Variants in LMO7 observed in about 807,000 individuals in gnomAD.
LMO7 encodes LIM domain only protein 7.
In LMO7, 120 loss-of-function variants were observed where a neutral mutation model predicts 206.5. The ratio of observed to expected loss-of-function variants is 0.58; its 90% CI spans 0.50 to 0.68. LMO7 has a LOEUF of 0.68. Ranked by LOEUF, LMO7 falls within the 30% of genes least tolerant of loss-of-function variation. The pLI, the probability that LMO7 is intolerant of heterozygous loss-of-function variation, is 0.00. For missense variants in LMO7, 1,959 were observed against 1,957.9 expected (o/e 1.00, Z -0.01); for synonymous variants, 706 against 681.5 (o/e 1.04, Z -0.56).
intron 28 of LMO7, 130 bp from the exon 29 acceptor site, chr13:75,855,130 T>C: frequency 1.9e-6 from 1 of 528,806 alleles, no homozygotes; most frequent in Non-Finnish European, 3.4e-6. Flanking sequence ...GTAAAAGTTA[T>C]TCTCCCACAG....
chr13:75,857,824 G>T, intron 30 of LMO7, 97 bp from the exon 31 acceptor site: 1 of 726,024 alleles, frequency 1.4e-6, no homozygotes, highest in South Asian at 2.2e-5. Context: ...TACCTCATTG[G>T]GCCACTTTCT....
chr13:75,779,640 T>C (rs1164480904), intron 4 of LMO7, among the ~76,000 whole-genome samples: 1 of 152,186 alleles, frequency 6.6e-6, no homozygotes, highest in Non-Finnish European at 1.5e-5. Flanking sequence ...AAATAGGAAG[T>C]GCATGTGCGT....
At chr13:75,685,496 A>G (rs1032358351) in intron 1 of LMO7, among the ~76,000 whole-genome samples, 3 of 152,192 alleles carry the variant, frequency 2.0e-5, no homozygotes, top group Non-Finnish European at 4.4e-5. Flanking sequence ...TCATCTGCCC[A>G]TCCTAAGCAG....
intron 2 of LMO7, chr13:75,627,955 TAAAA>T (rs10594787): frequency 6.8e-6 from 1 of 147,968 alleles, no homozygotes. Context: ...CTCTACTTGT[TAAAA>T]AAAAAAAACA....
intron 5 of LMO7, 79 bp downstream of exon 5, chr13:75,795,510 GTATACTCTACATC>G: frequency 1.0e-6 from 1 of 955,220 alleles, no homozygotes; most frequent in Non-Finnish European, 1.6e-6. Context: ...GAATCTAAAA[GTATACTCTACATC>G]TCTTTTCTAA....
chr13:75,739,142 A>T (rs1046040359), intron 3 of LMO7, among the ~76,000 whole-genome samples: 3 of 152,226 alleles, frequency 2.0e-5, no homozygotes, highest in African/African-American at 7.2e-5. Context: ...TTAAGAAATT[A>T]AACACTGCCC....
intron 14 of LMO7, 94 bp downstream of exon 14, chr13:75,821,703 A>C: frequency 1.4e-6 from 1 of 732,676 alleles, no homozygotes; most frequent in East Asian, 2.7e-5. Flanking sequence ...TTGATGTGTA[A>C]ACTGTACATA....
At chr13:75,827,881 T>C (rs2058277638) in intron 15 of LMO7, among the ~76,000 whole-genome samples, 1 of 152,216 alleles carries the variant, frequency 6.6e-6, no homozygotes, top group African/African-American at 2.4e-5. Context: ...CCTGATCTCA[T>C]CCCCATGATT....
At chr13:75,667,655 A>C (rs1429182026) in intron 1 of LMO7, among the ~76,000 whole-genome samples, 1 of 151,792 alleles carries the variant, frequency 6.6e-6, no homozygotes, top group African/African-American at 2.4e-5. Flanking sequence ...ATTTTCTTTC[A>C]TTATTATCAT....
intron 27 of LMO7, 113 bp downstream of exon 27, chr13:75,849,405 TCTGGGCA>T: frequency 1.3e-6 from 1 of 744,124 alleles, no homozygotes; most frequent in Non-Finnish European, 2.3e-6. Context: ...GAGCGAACGC[TCTGGGCA>T]CTATTATGTG....
At chr13:75,753,211 A>G (rs2139490545) in intron 3 of LMO7, among the ~76,000 whole-genome samples, 1 of 152,020 alleles carries the variant, frequency 6.6e-6, no homozygotes, top group East Asian at 1.9e-4. Flanking sequence ...TTTGTTGGCC[A>G]TTTGTCTTCC....
chr13:75,696,468 C>T (rs146728323), intron 1 of LMO7, among the ~76,000 whole-genome samples: 2 of 152,198 alleles, frequency 1.3e-5, no homozygotes, highest in African/African-American at 4.8e-5. Context: ...CTCATAAGAA[C>T]CTTAGATACC....
chr13:75,768,390 A>G (rs1398234774), intron 4 of LMO7, among the ~76,000 whole-genome samples: 1 of 152,088 alleles, frequency 6.6e-6, no homozygotes, highest in Non-Finnish European at 1.5e-5. Flanking sequence ...TATCCATTTT[A>G]TTAGAATAGC....
chr13:75,640,649 C>A (rs1210297456), intron 1 of LMO7, among the ~76,000 whole-genome samples: 2 of 152,142 alleles, frequency 1.3e-5, no homozygotes, highest in African/African-American at 2.4e-5. Context: ...GGAATCGTAT[C>A]TTATTTATTG....
intron 1 of LMO7, among the ~76,000 whole-genome samples, chr13:75,684,872 A>G (rs2139555947): frequency 6.6e-6 from 1 of 152,090 alleles, no homozygotes; most frequent in Non-Finnish European, 1.5e-5. Context: ...AGCCCTACCA[A>G]TGTTACTTTG....
intron 4 of LMO7, among the ~76,000 whole-genome samples, chr13:75,781,120 G>GT (rs2051326709): frequency 1.3e-4 from 4 of 30,666 alleles, no homozygotes; most frequent in Non-Finnish European, 1.3e-4. Flanking sequence ...TTTTTTTTTT[G>GT]CTTTTTTTTT....
intron 11 of LMO7, among the ~76,000 whole-genome samples, chr13:75,815,154 G>GGTGAT (rs1353660706): frequency 6.6e-6 from 1 of 152,124 alleles, no homozygotes; most frequent in African/African-American, 2.4e-5. Flanking sequence ...AATCTAGGTG[G>GGTGAT]GTGATGTGAT....
chr13:75,700,096 A>T (rs905622918), intron 1 of LMO7, among the ~76,000 whole-genome samples: 3 of 152,222 alleles, frequency 2.0e-5, no homozygotes, highest in Non-Finnish European at 2.9e-5. Context: ...CCTTATGGTT[A>T]TCTCCCTTGT....
intron 15 of LMO7, among the ~76,000 whole-genome samples, chr13:75,830,073 T>A (rs1359954920): frequency 6.6e-6 from 1 of 152,210 alleles, no homozygotes; most frequent in Non-Finnish European, 1.5e-5. Context: ...GATGATTCTG[T>A]CATTATTATC....
Sources: gnomAD v4.1 joint callset for allele counts (sites outside exome capture counted in the v4.1 genomes callset) on GRCh38, gnomAD v4.1.1 for gene constraint, MANE v1.5 for transcripts, NCBI Gene and HGNC (gene_info 2026-07-23, HGNC 2026-07-21) for gene names.